The following GLI3 variants were observed in gnomAD, a reference collection of about 807,000 sequenced individuals.
The protein encoded by GLI3 is GLI family zinc finger 3.
Under a neutral mutation model 100.8 loss-of-function variants are expected in GLI3, and 20 were observed. That is an observed-to-expected ratio of 0.20 (90% CI 0.14 to 0.29). The LOEUF is 0.29. Among genes scored for constraint, GLI3 ranks in the 10% least tolerant of loss-of-function variants. GLI3 has a pLI of 1.00. For synonymous variants in GLI3, 938 were observed against 860.5 expected (o/e 1.09, Z -1.58); for missense variants, 2,040 against 2,128.5 (o/e 0.96, Z 0.82).
intron 1 of GLI3, among the ~76,000 whole-genome samples, chr7:42,250,836 A>G (rs1789023307): frequency 6.6e-6 from 1 of 152,210 alleles, no homozygotes; most frequent in African/African-American, 2.4e-5. Flanking sequence ...ATAGGAACAT[A>G]TCACGGACAT....
At chr7:42,116,068 A>C (rs1352279112) in intron 3 of GLI3, among the ~76,000 whole-genome samples, 1 of 152,146 alleles carries the variant, frequency 6.6e-6, no homozygotes, top group Non-Finnish European at 1.5e-5. Context: ...TTTCCAAGCA[A>C]CAGAGTGGAA....
chr7:42,242,147 T>G (rs1338042405), upstream of GLI3, among the ~76,000 whole-genome samples: 2 of 152,194 alleles, frequency 1.3e-5, no homozygotes, highest in East Asian at 3.9e-4. Flanking sequence ...AGCAATGTTC[T>G]GTCTTTCTTT....
chr7:42,125,274 C>T (rs957884648), intron 3 of GLI3, among the ~76,000 whole-genome samples: 1 of 152,224 alleles, frequency 6.6e-6, no homozygotes, highest in East Asian at 1.9e-4. Flanking sequence ...TGTCTGGGCC[C>T]TTGGACAAAA....
intron 2 of GLI3, among the ~76,000 whole-genome samples, chr7:42,170,266 T>TTACATATATATATATATATATATA (rs1787339574): frequency 1.5e-5 from 2 of 137,682 alleles, no homozygotes; most frequent in East Asian, 4.3e-4. Context: ...AAAAAAAAAA[T>TTACATATATATATATATATATATA]TATATATATA....
Position 42,201,253 on chromosome 7 carries a change from A to G in GLI3, c.124+21877T>C, listed in dbSNP as rs868147639. ...TTCTGAAAATATTTTCTTGTACTGC[A>G]CTTACTTATTTTTGGACCATGATTG... On this transcript the variant is annotated intron_variant, in intron 2 of 14. Coordinates refer to ENST00000395925, the MANE Select transcript of GLI3 (RefSeq NM_000168.6). Among the ~76,000 whole-genome samples the G allele has an allele frequency of 3.9e-5, 6 of 152,140 alleles. No homozygotes were observed. In the South Asian group the frequency reaches 1.2e-3, roughly 32 times the overall value.
At chr7:42,134,908 G>A (rs1330762724) in intron 3 of GLI3, among the ~76,000 whole-genome samples, 2 of 151,914 alleles carry the variant, frequency 1.3e-5, no homozygotes, top group Admixed American at 6.6e-5. Context: ...ACGCAGCATC[G>A]GCATATGTGT....
intron 10 of GLI3, among the ~76,000 whole-genome samples, chr7:42,007,597 T>C (rs1195923903): frequency 2.0e-5 from 3 of 152,176 alleles, no homozygotes; most frequent in Non-Finnish European, 4.4e-5. Flanking sequence ...TCAAAGGATC[T>C]CAGAATAAAA....
chr7:42,194,744 C>T (rs1359552473), intron 2 of GLI3, among the ~76,000 whole-genome samples: 1 of 145,736 alleles, frequency 6.9e-6, no homozygotes, highest in Non-Finnish European at 1.5e-5. Flanking sequence ...AATGCATCAA[C>T]TTCTCTCTCT....
intron 3 of GLI3, among the ~76,000 whole-genome samples, chr7:42,086,477 T>C (rs528815856): frequency 6.6e-6 from 1 of 152,030 alleles, no homozygotes; most frequent in African/African-American, 2.4e-5. Flanking sequence ...CCAAAATGTA[T>C]AGTAGCCCAA....
intron 2 of GLI3, among the ~76,000 whole-genome samples, chr7:42,198,326 G>C (rs192670443): frequency 1.3e-5 from 2 of 152,346 alleles, no homozygotes; most frequent in Admixed American, 1.3e-4. Context: ...CCCTGGGCCA[G>C]GGCAGGTTCG....
intron 3 of GLI3, among the ~76,000 whole-genome samples, chr7:42,126,368 T>C (rs1246334092): frequency 6.6e-6 from 1 of 152,208 alleles, no homozygotes; most frequent in Non-Finnish European, 1.5e-5. Context: ...CTGAGTGAAA[T>C]TGTAACATGC....
Position 42,045,447 on chromosome 7 carries a change from T to A in GLI3, c.763A>T (p.Ile255Phe). The A allele has an allele frequency of 6.2e-7, 1 of 1,613,984 alleles. No individual in the cohort carries two copies. The highest frequency in any genetic ancestry group is 8.5e-7 in the Non-Finnish European group (1 of 1,179,842). ...GTGCCGGCGGTGGCAGCTGAGGGAA[T>A]AATGTCTGCATAGGGGCTGCGCTGG... The part of the protein sequence containing the change: ...TGQRSPYADI[I>F]PSAATAGTGA... Residue 255 changes from isoleucine to phenylalanine, a missense_variant, in exon 6 of 15, where the codon ATT (isoleucine) becomes TTT (phenylalanine). Transcript: ENST00000395925.
chr7:42,261,103 G>A (rs936960460), intron 1 of GLI3, among the ~76,000 whole-genome samples: 5 of 152,074 alleles, frequency 3.3e-5, no homozygotes, highest in African/African-American at 9.7e-5. Context: ...GCATCAGCTC[G>A]GCTTCTGGGA....
At chr7:42,241,980 A>G (rs1788929410), upstream of GLI3, among the ~76,000 whole-genome samples, 1 of 152,120 alleles carries the variant, frequency 6.6e-6, no homozygotes, top group South Asian at 2.1e-4. Context: ...ATTTTCTCTC[A>G]GTTGTCTCAA....
At chr7:42,006,233 A>G (rs890430317) in intron 10 of GLI3, among the ~76,000 whole-genome samples, 18 of 151,112 alleles carry the variant, frequency 1.2e-4, no homozygotes, top group African/African-American at 4.3e-4. Context: ...AATGGGGCAC[A>G]GGCTGCCTGG....
chr7:41,993,924 G>T (rs1219544114), intron 10 of GLI3, among the ~76,000 whole-genome samples: 1 of 152,146 alleles, frequency 6.6e-6, no homozygotes, highest in Non-Finnish European at 1.5e-5. Flanking sequence ...TTAGACTGGG[G>T]TTCTGAGTTA....
chr7:42,138,580 GGGAATAAATTTCTT>G, intron 3 of GLI3, among the ~76,000 whole-genome samples: 1 of 152,138 alleles, frequency 6.6e-6, no homozygotes, highest in Middle Eastern at 3.2e-3. Context: ...TGGGGGAGGA[GGGAATAAATTTCTT>G]ACAAAGAGGA....
At chr7:42,241,946 A>G (rs1788929088), upstream of GLI3, among the ~76,000 whole-genome samples, 1 of 152,116 alleles carries the variant, frequency 6.6e-6, no homozygotes, top group South Asian at 2.1e-4. Context: ...GATTTTCTGT[A>G]TCCCGCTTTT....
intron 2 of GLI3, among the ~76,000 whole-genome samples, chr7:42,218,828 C>T (rs557863841): frequency 1.4e-4 from 22 of 152,232 alleles, no homozygotes; most frequent in South Asian, 4.1e-4. Flanking sequence ...AGCCTACATA[C>T]GTTTATCATT....
Sources: gnomAD v4.1 joint callset for allele counts (sites outside exome capture counted in the v4.1 genomes callset) on GRCh38, gnomAD v4.1.1 for gene constraint, MANE v1.5 for transcripts, NCBI Gene and HGNC (gene_info 2026-07-23, HGNC 2026-07-21) for gene names.